H2BC4: variants seen among roughly 807,000 people sequenced by gnomAD.
H2BC4 encodes the protein H2B clustered histone 4, also known as histone H2B type 1-C/E/F/G/I.
Under a neutral mutation model 6.2 loss-of-function variants are expected in H2BC4, and 10 were observed. The ratio of observed to expected loss-of-function variants is 1.61; its 90% confidence interval spans 0.99 to 2.73. The LOEUF (loss-of-function observed/expected upper bound fraction) is 2.73. H2BC4 is among the 30% of genes most tolerant of loss of function. The pLI is 0.00. For synonymous variants in H2BC4, 146 were observed against 70.7 expected (o/e 2.07, Z -5.35); for missense variants, 176 against 168.7 (o/e 1.04, Z -0.24).
In H2BC4 at chr6:26,116,611, G is replaced by A. The variant is rs112646239; in HGVS notation, c.*10-1476C>T. Among the ~76,000 whole-genome samples, 324 of 152,198 alleles carry A rather than the reference G, an allele frequency of 2.1e-3. 2 individuals are homozygous for A. Among genetic ancestry groups the A allele is most frequent in the Non-Finnish European group, 3.4e-3 (229 of 68,014 alleles). On this transcript the variant is annotated intron_variant, in intron 1 of 1. Transcript: ENST00000314332. ...GATACTCAGGATGCTGAGGCAGGAG[G>A]ATGGCTTCAGCCCAGAAGGTGGAGG...
intron 1 of H2BC4, among the ~76,000 whole-genome samples, chr6:26,117,003 GC>G (rs1222389227): frequency 6.6e-6 from 1 of 152,070 alleles, no homozygotes. Flanking sequence ...CTGTCAATGT[GC>G]TGAATATATA....
downstream of H2BC4, among the ~76,000 whole-genome samples, chr6:26,121,870 T>C (rs1480047007): frequency 6.6e-6 from 1 of 151,706 alleles, no homozygotes; most frequent in Non-Finnish European, 1.5e-5. Flanking sequence ...CTGACCGACA[T>C]GGAGAAACCT....
rs879250962 is a variant in H2BC4, at chr6:26,123,656, A to G, written c.249T>C (p.His83=). The change falls in exon 1 of 1, where the codon CAT becomes CAC. Residue 83 remains histidine, a synonymous_variant. Coordinates refer to ENST00000396984, the MANE Select transcript of H2BC4 (RefSeq NM_003526.3). ...RIAGEASRLA[H]YNKRSTITSR... is the part of the protein sequence containing the mutation. ...AGGTGATGGTCGAGCGCTTGTTGTA[A>G]TGCGCCAGGCGGGAAGCCTCGCCCG... The G allele has an allele frequency of 6.2e-6, 10 of 1,614,136 alleles. No individual in the cohort carries two copies. Among genetic ancestry groups the G allele is most frequent in the South Asian group, 1.1e-5 (1 of 91,094 alleles).
At chr6:26,122,793 A>T (rs1377575043), downstream of H2BC4, among the ~76,000 whole-genome samples, 1 of 152,224 alleles carries the variant, frequency 6.6e-6, no homozygotes, top group Non-Finnish European at 1.5e-5. Context: ...GGATTCAAGC[A>T]AAATTTGATT....
downstream of H2BC4, chr6:26,114,821 ATATATG>A (rs1410904816): frequency 7.2e-5 from 11 of 151,864 alleles, no homozygotes; most frequent in South Asian, 4.1e-4. Flanking sequence ...ATGATGTGAG[ATATATG>A]TATATATGAA....
downstream of H2BC4, chr6:26,123,243 G>T (rs1470052097): frequency 2.0e-6 from 1 of 500,708 alleles, no homozygotes; most frequent in South Asian, 2.8e-5. Flanking sequence ...TTTCTTCCGG[G>T]AACGCCGAGT....
At chr6:26,123,311 G>C (rs198822), downstream of H2BC4, 427,384 of 852,790 alleles carry the variant, frequency 0.5, 110,750 homozygotes, top group Non-Finnish European at 0.54. Flanking sequence ...TGACCCCAAA[G>C]CCATTTTTAA....
At chr6:26,122,066 A>G (rs903406945), downstream of H2BC4, among the ~76,000 whole-genome samples, 51 of 152,008 alleles carry the variant, frequency 3.4e-4, no homozygotes, top group African/African-American at 1.1e-3. Context: ...AAAAAAAAAA[A>G]AAAAAGAAAA....
Position 26,123,838 on chromosome 6 carries a change from G to A in H2BC4, c.67C>T (p.Gln23Ter), listed in dbSNP as rs375299991. ...KGSKKAVTKA[Q>*]KKDGKKRKRS... ...TTGCGCTTCTTGCCATCTTTCTTCTGCGCTTTGGTCACTGCCTTCTTGGAG... is the reference window on the plus strand; with the variant it reads ...TTGCGCTTCTTGCCATCTTTCTTCTACGCTTTGGTCACTGCCTTCTTGGAG... Residue 23 changes from glutamine to a stop codon, truncating the protein, a stop_gained, in exon 1 of 1, where the codon CAG becomes TAG. Coordinates refer to ENST00000396984, the MANE Select transcript of H2BC4 (RefSeq NM_003526.3). LOFTEE classifies it high-confidence loss of function. 2 of 1,614,192 alleles carry A rather than the reference G, an allele frequency of 1.2e-6. No individual in the cohort carries two copies. Among genetic ancestry groups the A allele is most frequent in the Non-Finnish European group, 1.7e-6 (2 of 1,180,028 alleles).
chr6:26,122,994 G>C (rs1763525897), downstream of H2BC4, among the ~76,000 whole-genome samples: 1 of 152,188 alleles, frequency 6.6e-6, no homozygotes, highest in Non-Finnish European at 1.5e-5. Context: ...ACGAAGGTGT[G>C]CGCCACGAAA....
intron 1 of H2BC4, among the ~76,000 whole-genome samples, chr6:26,115,395 G>T (rs775105672): frequency 3.1e-4 from 47 of 152,136 alleles, no homozygotes; most frequent in Admixed American, 5.9e-4. Context: ...AGTTTCCCAG[G>T]TAGCACAGCT....
At chr6:26,118,220 GTTATGAGGGTAATTACAAATA>G (rs2113795065) in intron 1 of H2BC4, among the ~76,000 whole-genome samples, 1 of 150,670 alleles carries the variant, frequency 6.6e-6, no homozygotes, top group South Asian at 2.1e-4. Context: ...AAAAAAAAAA[GTTATGAGGGTAATTACAAATA>G]TTATAAGAAT....
At position 26,123,626 on chromosome 6, in the gene H2BC4, C is replaced by T. The variant is rs145816298; in HGVS notation, c.279G>A (p.Arg93=). Residue 93 remains arginine (R), a synonymous_variant, in exon 1 of 1, where the codon AGG becomes AGA. Coordinates refer to ENST00000396984, the MANE Select transcript of H2BC4 (RefSeq NM_003526.3). ...GCAGGCGCACGGCCGTCTGGATCTC[C>T]CTGGAGGTGATGGTCGAGCGCTTGT... The part of the protein sequence containing the change: ...HYNKRSTITS[R]EIQTAVRLLL... 24 of 1,614,258 alleles carry T rather than the reference C, an allele frequency of 1.5e-5. 2 individuals carry two copies. The South Asian group carries it at 2.2e-4, about 15-fold the overall frequency.
downstream of H2BC4, among the ~76,000 whole-genome samples, chr6:26,120,065 G>T (rs1763479287): frequency 6.6e-6 from 1 of 151,896 alleles, no homozygotes; most frequent in Non-Finnish European, 1.5e-5. Flanking sequence ...TATTTAAATT[G>T]ATGTATTTTA....
At position 26,123,490 on chromosome 6, in the gene H2BC4, T is replaced by TG; in HGVS notation, c.*33dup. ...TCTGGGTGGCTCTTAAAAGAGCCTT[T>TG]GGGGTTAGGTGTTAAGACGCTTACT... On this transcript the variant is annotated 3_prime_UTR_variant, in exon 1 of 1. Transcript: ENST00000396984. 6.2e-7 allele frequency: 1 copy of TG among 1,613,332 alleles called. No individual in the cohort carries two copies. Among genetic ancestry groups the TG allele is most frequent in the Non-Finnish European group, 8.5e-7 (1 of 1,179,780 alleles).
rs1763556524 is a variant in H2BC4, at chr6:26,123,749, G to A, written c.156C>T (p.Asp52=). Residue 52 remains aspartate (D), a synonymous_variant, in exon 1 of 1, where the codon GAC becomes GAT. Transcript: ENST00000396984. The part of the protein sequence containing the change: ...VYKVLKQVHP[D]TGISSKAMGI... ...CCATGGCCTTGGAAGAGATGCCAGT[G>A]TCGGGATGGACCTGTTTCAGCACCT... The A allele has an allele frequency of 1.2e-6, 2 of 1,614,164 alleles. No individual in the cohort carries two copies. Among genetic ancestry groups the A allele is most frequent in the Non-Finnish European group, 8.5e-7 (1 of 1,180,058 alleles).
downstream of H2BC4, among the ~76,000 whole-genome samples, chr6:26,114,108 T>G (rs1763391057): frequency 6.6e-6 from 1 of 152,144 alleles, no homozygotes; most frequent in African/African-American, 2.4e-5. Flanking sequence ...CAAAGAGTAG[T>G]TATAATGTTT....
downstream of H2BC4, among the ~76,000 whole-genome samples, chr6:26,122,157 G>A (rs1023254191): frequency 1.3e-5 from 2 of 152,064 alleles, no homozygotes; most frequent in African/African-American, 4.8e-5. Context: ...AAGGCAGCCT[G>A]TGATTGCACA....
intron 1 of H2BC4, among the ~76,000 whole-genome samples, chr6:26,118,415 A>C (rs1264882966): frequency 6.6e-6 from 1 of 152,210 alleles, no homozygotes; most frequent in Admixed American, 6.5e-5. Context: ...GGCAGAAATA[A>C]ATTTTCTAGT....
Sources: allele counts gnomAD v4.1 joint callset (sites outside exome capture counted in the v4.1 genomes callset), GRCh38; gene constraint gnomAD v4.1.1; transcripts MANE v1.5; gene names NCBI Gene and HGNC (gene_info 2026-07-23, HGNC 2026-07-21).